Variants in KLHL31 observed in about 807,000 individuals in gnomAD.
The protein encoded by KLHL31 is kelch-like protein 31.
In KLHL31, 32 loss-of-function variants were observed where a neutral mutation model predicts 47.1. That is an observed-to-expected ratio of 0.68 (90% CI 0.51 to 0.91). The LOEUF is 0.91. KLHL31 is among the 40% of genes least tolerant of loss of function. The pLI is 0.00. For synonymous variants in KLHL31, 330 were observed against 325.1 expected, an observed-to-expected ratio of 1.01 and a Z score of -0.16; for missense variants, 797 against 819.3, an observed-to-expected ratio of 0.97 and a Z score of 0.33.
intron 1 of KLHL31, among the ~76,000 whole-genome samples, chr6:53,657,818 G>A (rs1764586481): frequency 6.6e-6 from 1 of 152,104 alleles, no homozygotes; most frequent in Non-Finnish European, 1.5e-5. Context: ...TAGCAGGTAG[G>A]CAGAAAATAG....
intron 1 of KLHL31, among the ~76,000 whole-genome samples, chr6:53,657,060 A>G (rs1369691016): frequency 6.7e-6 from 1 of 149,664 alleles, no homozygotes; most frequent in Admixed American, 6.8e-5. Flanking sequence ...AGCCTCCTGA[A>G]TAGCTGGGGC....
intron 1 of KLHL31, among the ~76,000 whole-genome samples, chr6:53,659,820 C>T (rs1352808887): frequency 6.6e-6 from 1 of 152,144 alleles, no homozygotes; most frequent in East Asian, 1.9e-4. Context: ...CAACTTGAGG[C>T]TAGATGAAAT....
At position 53,651,843 on chromosome 6, in the gene KLHL31, C is replaced by G. The variant is rs754469563; in HGVS notation, c.1660G>C (p.Gly554Arg). 6.2e-7 allele frequency: 1 copy of G among 1,607,734 alleles called. No individual in the cohort carries two copies. The highest frequency in any genetic ancestry group is 2.2e-5 in the East Asian group (1 of 44,858). ...QWSYAAPLQV[G>R]VSTAGVSALH... ...GCCGAGACGCCCGCAGTGCTCACTC[C>G]CACCTGCAGCGGCGCCGCGTAGCTC... The change falls in exon 3 of 3, where the codon GGA (glycine) becomes CGA (arginine). Residue 554 changes from glycine (G) to arginine (R), a missense_variant. Transcript: ENST00000370905.
chr6:53,651,386 C>T lies in KLHL31; in HGVS notation c.*212G>A, dbSNP rs953048387. On this transcript the variant is annotated 3_prime_UTR_variant, in exon 3 of 3. Transcript: ENST00000370905. ...AAATTGTTTCTTTTGTTGGCCATTGCCCTGTATTTTGCTAAAAAAAAAAAA... is the reference window on the plus strand; with the variant it reads ...AAATTGTTTCTTTTGTTGGCCATTGTCCTGTATTTTGCTAAAAAAAAAAAA... 25 of 235,062 alleles carry T rather than the reference C, an allele frequency of 1.1e-4. No individual in the cohort carries two copies. The Middle Eastern group carries it at 3.0e-3, about 28-fold the overall frequency. The allele number at this position is 235,062 out of a possible 1,614,324, so 14.6% of individuals were successfully genotyped here. A position where few individuals can be genotyped will look rare whatever the true frequency, so the allele number is the denominator to read the frequency against.
Position 53,648,391 on chromosome 6 carries a change from T to G in KLHL31, c.*3207A>C, listed in dbSNP as rs1283048329. 1 of 152,202 alleles carries G rather than the reference T, an allele frequency of 6.6e-6. No individual in the cohort carries two copies. Among genetic ancestry groups the G allele is most frequent in the Non-Finnish European group, 1.5e-5 (1 of 68,020 alleles). 9.4% of individuals were successfully genotyped at this position (152,202 alleles called of 1,614,324 possible). A position where few individuals can be genotyped will look rare whatever the true frequency, so the allele number is the denominator to read the frequency against. ...GGGAAAAAAATTAATGAGGTGATTT[T>G]AGTTTATTTCGTCTCGTAACTTGGA... On this transcript the variant is annotated 3_prime_UTR_variant, in exon 3 of 3. Coordinates refer to ENST00000370905, the MANE Select transcript of KLHL31 (RefSeq NM_001003760.5).
At chr6:53,658,028 T>C (rs1318000425) in intron 1 of KLHL31, among the ~76,000 whole-genome samples, 1 of 152,236 alleles carries the variant, frequency 6.6e-6, no homozygotes, top group East Asian at 1.9e-4. Context: ...TGCATTAGCT[T>C]ATGTGTTGAG....
intron 1 of KLHL31, among the ~76,000 whole-genome samples, chr6:53,665,358 T>C (rs17216313): frequency 0.053 from 8,089 of 152,336 alleles, 288 homozygotes; most frequent in East Asian, 0.091. Context: ...TAGGGCATCA[T>C]TGTCATGCAT....
At position 53,651,838 on chromosome 6, in the gene KLHL31, C is replaced by T. The variant is rs1221682121; in HGVS notation, c.1665G>A (p.Val555=). The part of the protein sequence containing the change: ...WSYAAPLQVG[V]STAGVSALHG... ...GCAGCGCCGAGACGCCCGCAGTGCT[C>T]ACTCCCACCTGCAGCGGCGCCGCGT... The change falls in exon 3 of 3, where the codon GTG becomes GTA. Residue 555 remains valine, a synonymous_variant. Coordinates refer to ENST00000370905, the MANE Select transcript of KLHL31 (RefSeq NM_001003760.5). The T allele has an allele frequency of 5.6e-6, 9 of 1,608,910 alleles. No individual in the cohort carries two copies. Among genetic ancestry groups the T allele is most frequent in the African/African-American group, 1.3e-5 (1 of 74,934 alleles).
chr6:53,657,610 T>TTTTG (rs143174954), intron 1 of KLHL31, among the ~76,000 whole-genome samples: 9 of 138,804 alleles, frequency 6.5e-5, no homozygotes, highest in Admixed American at 3.7e-4. Context: ...TGTTTTTGTT[T>TTTTG]TGTGTGTGTG....
In KLHL31 at chr6:53,654,379, T is replaced by C. The variant is rs372174674; in HGVS notation, c.894A>G (p.Pro298=). 5.6e-6 allele frequency: 9 copies of C among 1,614,108 alleles called. No individual in the cohort carries two copies. The highest frequency in any genetic ancestry group is 2.7e-5 in the African/African-American group (2 of 74,944). ...TAGATTGCAATGTGTTTTGATGATATGGAAGCAAGTGGTAGTTCATAGCAT... is the reference window on the plus strand; with the variant it reads ...TAGATTGCAATGTGTTTTGATGATACGGAAGCAAGTGGTAGTTCATAGCAT... ...LVDAMNYHLL[P]YHQNTLQSRR... is the part of the protein sequence containing the mutation. Residue 298 remains proline (P), a synonymous_variant, in exon 2 of 3, where the codon CCA becomes CCG. Transcript: ENST00000370905.
At position 53,648,047 on chromosome 6, in the gene KLHL31, T is replaced by G. The variant is rs1037924040; in HGVS notation, c.*3551A>C. Reference sequence around the variant, plus strand: ...AAGAAAGAAATTTTTTTGCCAAAATTTGCTGAATAAATAAAAAGTTTTTAA... The same window carrying G: ...AAGAAAGAAATTTTTTTGCCAAAATGTGCTGAATAAATAAAAAGTTTTTAA... On this transcript the variant is annotated 3_prime_UTR_variant, in exon 3 of 3. Transcript: ENST00000370905. The G allele has an allele frequency of 3.3e-5, 5 of 152,616 alleles. No individual in the cohort carries two copies. The highest frequency in any genetic ancestry group is 6.5e-5 in the Admixed American group (1 of 15,280). The allele number at this position is 152,616 out of a possible 1,614,324, so 9.5% of individuals were successfully genotyped here. A position where few individuals can be genotyped will look rare whatever the true frequency, so the allele number is the denominator to read the frequency against.
In KLHL31 at chr6:53,648,737, A is replaced by G. The variant is rs1356929072; in HGVS notation, c.*2861T>C. 6.6e-6 allele frequency: 1 copy of G among 152,196 alleles called. No homozygotes were observed. Among genetic ancestry groups the G allele is most frequent in the Non-Finnish European group, 1.5e-5 (1 of 68,024 alleles). The allele number at this position is 152,196 out of a possible 1,614,324, so 9.4% of individuals were successfully genotyped here. A position where few individuals can be genotyped will look rare whatever the true frequency, so the allele number is the denominator to read the frequency against. The stretch of plus-strand genomic sequence containing the variant: ...AGTAAAAATAAAATTCATTCAATGC[A>G]CTGAAAGCAACTAATGCATCAGGGA... On this transcript the variant is annotated 3_prime_UTR_variant, in exon 3 of 3. Coordinates refer to ENST00000370905, the MANE Select transcript of KLHL31 (RefSeq NM_001003760.5).
In KLHL31 at chr6:53,654,762, T is replaced by C. The variant is rs749701562; in HGVS notation, c.511A>G (p.Asn171Asp). 9 of 1,614,150 alleles carry C rather than the reference T, an allele frequency of 5.6e-6. No individual in the cohort carries two copies. In the East Asian group the frequency reaches 2.0e-4, roughly 36 times the overall value. Residue 171 changes from asparagine to aspartate, a missense_variant, in exon 2 of 3, where the codon AAT becomes GAT. Transcript: ENST00000370905. ...GCAATATTAACAACATACATGCAAT[T>C]CTCAACACTCATCTCCCGTATCAGA... ...DFLIREMSVE[N>D]CMYVVNIAET...
Position 53,654,318 on chromosome 6 carries a change from C to T in KLHL31, c.955G>A (p.Val319Ile), listed in dbSNP as rs764896958. ...TRIRGGCRVL[V>I]TVGGRPGLTE... ...AGGCCTGGGCGTCCCCCAACAGTGA[C>T]GAGGACTCGGCAGCCACCTCGGATT... is the stretch of plus-strand genomic sequence containing the variant. The change falls in exon 2 of 3, where the codon GTC becomes ATC. Residue 319 changes from valine (V) to isoleucine (I), a missense_variant. Val to Ile is a conservative substitution (Grantham distance 29). Coordinates refer to ENST00000370905, the MANE Select transcript of KLHL31 (RefSeq NM_001003760.5). 1.3e-5 allele frequency: 21 copies of T among 1,614,058 alleles called. No individual in the cohort carries two copies. Among genetic ancestry groups the T allele is most frequent in the Middle Eastern group, 1.6e-4 (1 of 6,084 alleles).
intron 2 of KLHL31, 43 bp from the exon 3 acceptor site, chr6:53,652,373 C>G: frequency 6.2e-7 from 1 of 1,606,904 alleles, no homozygotes; most frequent in Admixed American, 1.7e-5. Context: ...TCGGCGGCAG[C>G]TGGGGACCCC....
In KLHL31 at chr6:53,651,674, C is replaced by A; in HGVS notation, c.1829G>T (p.Cys610Phe). The change falls in exon 3 of 3, where the codon TGC becomes TTC. Residue 610 changes from cysteine to phenylalanine, a missense_variant. Cys to Phe is a radical substitution (Grantham distance 205, BLOSUM62 -2). Transcript: ENST00000370905. ...LPEATVGVSC[C>F]TLSMPNNVTR... is the part of the protein sequence containing the mutation. ...CACGTTGTTGGGCATCGAGAGGGTG[C>A]AGCAGGACACGCCGACAGTGGCCTC... The A allele has an allele frequency of 6.2e-7, 1 of 1,614,156 alleles. No individual in the cohort carries two copies. The highest frequency in any genetic ancestry group is 8.5e-7 in the Non-Finnish European group (1 of 1,180,036).
intron 1 of KLHL31, among the ~76,000 whole-genome samples, chr6:53,662,493 T>A (rs1361652238): frequency 6.6e-6 from 1 of 152,142 alleles, no homozygotes; most frequent in Non-Finnish European, 1.5e-5. Context: ...ATGCAGAGGG[T>A]TGTAGAAGGG....
At position 53,655,153 on chromosome 6, in the gene KLHL31, G is replaced by A; in HGVS notation, c.120C>T (p.Gly40=). Reference sequence around the variant, plus strand: ...CAGAAGAAATGCAGCTAAGGCCATTGCCTCCCTCTAGGAGCCCATTCAAAG... The same window carrying A: ...CAGAAGAAATGCAGCTAAGGCCATTACCTCCCTCTAGGAGCCCATTCAAAG... ...LNALNGLLEG[G]NGLSCISSEL... is the part of the protein sequence containing the mutation. Residue 40 remains glycine (G), a synonymous_variant, in exon 2 of 3, where the codon GGC becomes GGT. Coordinates refer to ENST00000370905, the MANE Select transcript of KLHL31 (RefSeq NM_001003760.5). 1.2e-6 allele frequency: 2 copies of A among 1,614,100 alleles called. No homozygotes were observed. The highest frequency in any genetic ancestry group is 1.7e-6 in the Non-Finnish European group (2 of 1,179,980).
chr6:53,657,779 C>T (rs1220297654), intron 1 of KLHL31, among the ~76,000 whole-genome samples: 2 of 151,980 alleles, frequency 1.3e-5, no homozygotes, highest in Non-Finnish European at 2.9e-5. Flanking sequence ...ATTGTATTTG[C>T]TCCTGTTCCT....
Sources: gnomAD v4.1 joint callset for allele counts (sites outside exome capture counted in the v4.1 genomes callset) on GRCh38, gnomAD v4.1.1 for gene constraint, MANE v1.5 for transcripts, NCBI Gene and HGNC (gene_info 2026-07-23, HGNC 2026-07-21) for gene names.